Variants in BMPR1B observed in about 807,000 individuals in gnomAD.
BMPR1B encodes the protein bone morphogenetic protein receptor type 1B, also known as bone morphogenetic protein receptor type-1B.
Under a neutral mutation model 59.1 loss-of-function variants are expected in BMPR1B, and 12 were observed. The ratio of observed to expected loss-of-function variants is 0.20; its 90% CI spans 0.13 to 0.33. The LOEUF (loss-of-function observed/expected upper bound fraction) is 0.33, where lower values mean the gene tolerates loss of function less well. Ranked by LOEUF, BMPR1B falls within the 10% of genes least tolerant of loss-of-function variation. BMPR1B has a pLI of 1.00. For missense variants in BMPR1B, 550 were observed against 610.9 expected (o/e 0.90, Z 1.05); for synonymous variants, 237 against 207.3 (o/e 1.14, Z -1.23).
At chr4:94,941,648 C>T (rs889969534) in intron 2 of BMPR1B, among the ~76,000 whole-genome samples, 2 of 151,972 alleles carry the variant, frequency 1.3e-5, no homozygotes, top group Non-Finnish European at 2.9e-5. Flanking sequence ...TTTTACAGGA[C>T]TTTTTCACGT....
chr4:94,758,498 G>C (rs1363493802), intron 1 of BMPR1B, among the ~76,000 whole-genome samples: 1 of 151,942 alleles, frequency 6.6e-6, no homozygotes, highest in Non-Finnish European at 1.5e-5. Context: ...GGGCAGTCGC[G>C]GAATCCGGGA....
At chr4:94,944,837 A>C (rs1000067601) in intron 2 of BMPR1B, among the ~76,000 whole-genome samples, 1 of 152,346 alleles carries the variant, frequency 6.6e-6, no homozygotes, top group Middle Eastern at 3.4e-3. Context: ...GAATGGCCTG[A>C]CTGTATGGGA....
chr4:94,808,091 T>C (rs1723680402), intron 1 of BMPR1B, among the ~76,000 whole-genome samples: 1 of 152,238 alleles, frequency 6.6e-6, no homozygotes, highest in Non-Finnish European at 1.5e-5. Flanking sequence ...TATGTGTACT[T>C]GTTACTTTGT....
intron 2 of BMPR1B, among the ~76,000 whole-genome samples, chr4:94,975,159 G>A (rs564935831): frequency 9.2e-5 from 14 of 152,162 alleles, no homozygotes; most frequent in South Asian, 8.3e-4. Context: ...TGAGTAGGAG[G>A]GGCATGTGTC....
At chr4:94,787,051 A>G (rs1428382658) in intron 1 of BMPR1B, among the ~76,000 whole-genome samples, 1 of 152,164 alleles carries the variant, frequency 6.6e-6, no homozygotes, top group Non-Finnish European at 1.5e-5. Flanking sequence ...CAAGGAATGA[A>G]TTATTGACCC....
chr4:94,778,323 T>C (rs1722460909), intron 1 of BMPR1B, among the ~76,000 whole-genome samples: 1 of 152,182 alleles, frequency 6.6e-6, no homozygotes. Flanking sequence ...TTGAGCTTTA[T>C]AAAAATACGA....
At chr4:94,953,227 G>A (rs1168972146) in intron 2 of BMPR1B, among the ~76,000 whole-genome samples, 1 of 152,130 alleles carries the variant, frequency 6.6e-6, no homozygotes, top group Non-Finnish European at 1.5e-5. Flanking sequence ...TTGCCAGTGT[G>A]TGCCTTTTAA....
intron 2 of BMPR1B, among the ~76,000 whole-genome samples, chr4:94,922,099 A>T (rs1007244136): frequency 1.3e-5 from 2 of 152,068 alleles, no homozygotes; most frequent in African/African-American, 4.8e-5. Context: ...CAGCCTCCCA[A>T]GTAGCTGGGA....
rs144144559 is a variant in BMPR1B, at chr4:94,919,077, T to C, written c.-113+43177T>C. On this transcript the variant is annotated intron_variant, in intron 2 of 12. Transcript: ENST00000515059. ...CTTTAATGTTGAAGATCTTATAACG[T>C]GATGCATCATGTTATTTCTTCTTCT... Among the ~76,000 whole-genome samples the C allele has an allele frequency of 3.2e-3, 480 of 152,252 alleles. 3 individuals are homozygous for C. The highest frequency in any genetic ancestry group is 0.01 in the Middle Eastern group (3 of 294).
rs1466348428 is a variant in BMPR1B at position 95,085,975 on chromosome 4, T to TTGTGTGTGTGTACCTGTGTGTG, written c.-17-18421_-17-18400dup. On this transcript the variant is annotated intron_variant, in intron 3 of 12. Coordinates refer to ENST00000515059, the MANE Select transcript of BMPR1B (RefSeq NM_001203.3). The stretch of plus-strand genomic sequence containing the variant: ...CTGTTGACCCTCACTGTGGACATAT[T>TTGTGTGTGTGTACCTGTGTGTG]TGTGTGTGTGTACCTGTGTGTGTGT... Among the ~76,000 whole-genome samples, 20 of 134,012 alleles carry TTGTGTGTGTGTACCTGTGTGTG rather than the reference T, an allele frequency of 1.5e-4. No individual in the cohort carries two copies. The Admixed American group carries it at 1.6e-3, about 11-fold the overall frequency. The allele number at this position is 134,012 out of a possible 152,430, so 87.9% of individuals were successfully genotyped here.
chr4:94,923,406 A>G (rs1728775865), intron 2 of BMPR1B, among the ~76,000 whole-genome samples: 1 of 152,154 alleles, frequency 6.6e-6, no homozygotes, highest in Admixed American at 6.6e-5. Context: ...AATAAAGGAA[A>G]TATTGAAATT....
chr4:94,985,533 G>T lies in BMPR1B; in HGVS notation c.-112-10507G>T, dbSNP rs76732385. Among the ~76,000 whole-genome samples, 94 of 110,548 alleles carry T rather than the reference G, an allele frequency of 8.5e-4. No individual in the cohort carries two copies. In the East Asian group the frequency reaches 0.01, roughly 12 times the overall value. 72.5% of individuals were successfully genotyped at this position (110,548 alleles called of 152,430 possible). ...GCTGTGTGTGTGTGTGTGTGTGTGT[G>T]TGTGTGTGTGTGTGTGTGTGTGTGT... On this transcript the variant is annotated intron_variant, in intron 2 of 12. Transcript: ENST00000515059.
At chr4:94,823,983 C>CAG (rs1724298238) in intron 1 of BMPR1B, among the ~76,000 whole-genome samples, 1 of 152,020 alleles carries the variant, frequency 6.6e-6, no homozygotes, top group African/African-American at 2.4e-5. Flanking sequence ...CCTGACCTTG[C>CAG]GATCCACCCG....
chr4:94,769,276 A>G (rs1722080989), intron 1 of BMPR1B, among the ~76,000 whole-genome samples: 1 of 152,232 alleles, frequency 6.6e-6, no homozygotes, highest in African/African-American at 2.4e-5. Context: ...AAGTGTGTCA[A>G]AGAGATGATC....
chr4:94,802,195 G>T (rs544918435), intron 1 of BMPR1B, among the ~76,000 whole-genome samples: 2 of 152,286 alleles, frequency 1.3e-5, no homozygotes, highest in Admixed American at 1.3e-4. Context: ...TTGACTGCTT[G>T]CTTTCTCCAG....
intron 2 of BMPR1B, among the ~76,000 whole-genome samples, chr4:94,932,485 C>A (rs1729128636): frequency 6.6e-6 from 1 of 152,004 alleles, no homozygotes; most frequent in Non-Finnish European, 1.5e-5. Flanking sequence ...AAAAAACTTG[C>A]AAAATGATAT....
At chr4:95,099,371 A>G (rs537951435) in intron 3 of BMPR1B, among the ~76,000 whole-genome samples, 2 of 152,348 alleles carry the variant, frequency 1.3e-5, no homozygotes, top group Admixed American at 6.5e-5. Flanking sequence ...TCCAACTATT[A>G]TCTGTCCTAA....
intron 2 of BMPR1B, among the ~76,000 whole-genome samples, chr4:94,888,650 C>T (rs1384678588): frequency 6.6e-6 from 1 of 151,960 alleles, no homozygotes; most frequent in Admixed American, 6.6e-5. Flanking sequence ...TGGTCCAAAG[C>T]TGGTAAGTGA....
Position 95,033,302 on chromosome 4 carries a change from A to G in BMPR1B, c.-18+37168A>G, listed in dbSNP as rs576992052. ...TTTTAATTTTAAAGTAGTCCAGTTTATCTTTTTTTTTTTTCCTGTTGTTAC... is the reference window on the plus strand; with the variant it reads ...TTTTAATTTTAAAGTAGTCCAGTTTGTCTTTTTTTTTTTTCCTGTTGTTAC... On this transcript the variant is annotated intron_variant, in intron 3 of 12. Coordinates refer to ENST00000515059, the MANE Select transcript of BMPR1B (RefSeq NM_001203.3). 6.5e-5 allele frequency among the ~76,000 whole-genome samples: 9 copies of G among 138,560 alleles called. No individual in the cohort carries two copies. In the South Asian group the frequency reaches 1.8e-3, roughly 28 times the overall value. The allele number at this position is 138,560 out of a possible 152,430, so 90.9% of individuals were successfully genotyped here. A position where few individuals can be genotyped will look rare whatever the true frequency, so the allele number is the denominator to read the frequency against.
Sources: allele counts gnomAD v4.1 joint callset (sites outside exome capture counted in the v4.1 genomes callset), GRCh38; gene constraint gnomAD v4.1.1; transcripts MANE v1.5; gene names NCBI Gene and HGNC (gene_info 2026-07-23, HGNC 2026-07-21).